Variants in CLEC20A observed in about 807,000 individuals in gnomAD.
CLEC20A encodes the protein putative C-type lectin domain family 20 member A.
chr1:178,479,959 A>G (rs867707017), intron 7 of CLEC20A: 1 of 161,014 alleles, frequency 6.2e-6, no homozygotes, highest in Non-Finnish European at 1.3e-5. Flanking sequence ...CCACCATTGA[A>G]CAATTAAATA....
chr1:178,487,396 C>T (rs1017401461), intron 5 of CLEC20A, among the ~76,000 whole-genome samples: 1 of 149,918 alleles, frequency 6.7e-6, no homozygotes, highest in African/African-American at 2.5e-5. Flanking sequence ...TCACAGGGGG[C>T]CCGGCCGGCA....
intron 5 of CLEC20A, among the ~76,000 whole-genome samples, chr1:178,485,103 C>T (rs960943386): frequency 6.6e-6 from 1 of 152,246 alleles, no homozygotes; most frequent in Non-Finnish European, 1.5e-5. Flanking sequence ...CACACATCTC[C>T]TTCCAGACTT....
intron 5 of CLEC20A, chr1:178,486,667 C>T (rs1390749753): frequency 2.5e-6 from 1 of 398,508 alleles, no homozygotes; most frequent in Non-Finnish European, 4.4e-6. Context: ...TGGGGCATCG[C>T]GGGTGGCATC....
intron 7 of CLEC20A, chr1:178,479,818 ATT>A: frequency 2.9e-6 from 1 of 344,886 alleles, no homozygotes; most frequent in Non-Finnish European, 5.2e-6. Flanking sequence ...AAAAAAAAAA[ATT>A]TAATGACAAA....
chr1:178,494,598 C>A, exon 2 of CLEC20A: 1 of 399,302 alleles, frequency 2.5e-6, no homozygotes. Flanking sequence ...AAGGTGGAGC[C>A]GCTGGACCAT....
intron 1 of CLEC20A, 92 bp from the exon 2 acceptor site, chr1:178,494,902 A>G: frequency 2.5e-6 from 1 of 398,450 alleles, no homozygotes; most frequent in Non-Finnish European, 4.4e-6. Flanking sequence ...GGGCCTCCCC[A>G]GCCTCTTCCC....
At chr1:178,484,714 A>G (rs114843924) in intron 5 of CLEC20A, 6,011 of 152,310 alleles carry the variant, frequency 0.039, 154 homozygotes, top group Non-Finnish European at 0.062. Context: ...AGCAAAAAAA[A>G]GTAAGCATCT....
chr1:178,499,056 A>G (rs762172927), upstream of CLEC20A, among the ~76,000 whole-genome samples: 16 of 151,958 alleles, frequency 1.1e-4, no homozygotes, highest in Non-Finnish European at 2.2e-4. Context: ...CCACCTTTTC[A>G]TTTGGCCACT....
chr1:178,488,514 G>T (rs1649202004), exon 5 of CLEC20A: 1 of 398,666 alleles, frequency 2.5e-6, no homozygotes, highest in South Asian at 1.3e-4. Flanking sequence ...TGCCTGGCCT[G>T]GGAGTTGTTT....
chr1:178,479,483 C>T, exon 8 of CLEC20A: 1 of 397,840 alleles, frequency 2.5e-6, no homozygotes, highest in South Asian at 1.3e-4. Context: ...AAAATTTACT[C>T]AAAATCCAGA....
chr1:178,479,554 A>C (rs986632235), exon 8 of CLEC20A: 6 of 398,436 alleles, frequency 1.5e-5, no homozygotes, highest in Middle Eastern at 6.2e-4. Flanking sequence ...GTTCACTTCG[A>C]AGCTGACCCA....
chr1:178,497,466 A>G (rs1649426393), upstream of CLEC20A, among the ~76,000 whole-genome samples: 1 of 152,194 alleles, frequency 6.6e-6, no homozygotes, highest in Non-Finnish European at 1.5e-5. Flanking sequence ...GCCCTGCTCC[A>G]CGCCCAGAAG....
chr1:178,489,327 C>T (rs112141117), intron 4 of CLEC20A, among the ~76,000 whole-genome samples: 2,724 of 151,998 alleles, frequency 0.018, 65 homozygotes, highest in African/African-American at 0.059. Context: ...CCACTGCACT[C>T]CAGCCTGGGC....
upstream of CLEC20A, among the ~76,000 whole-genome samples, chr1:178,497,803 G>A (rs79122251): frequency 2.5e-3 from 387 of 152,284 alleles, 1 homozygote; most frequent in Non-Finnish European, 4.3e-3. Context: ...ACATGGATCT[G>A]GTAATTAATA....
At chr1:178,494,276 A>C (rs1649335956) in intron 2 of CLEC20A, among the ~76,000 whole-genome samples, 178 bp downstream of exon 2, 1 of 152,140 alleles carries the variant, frequency 6.6e-6, no homozygotes, top group Admixed American at 6.5e-5. Context: ...TTAATTAGCC[A>C]GGTATGGTGG....
upstream of CLEC20A, among the ~76,000 whole-genome samples, chr1:178,499,074 T>G (rs60480018): frequency 0.17 from 26,454 of 151,958 alleles, 2,889 homozygotes; most frequent in African/African-American, 0.32. Context: ...ACTCCCCCAG[T>G]CGTCTCCCTC....
intron 5 of CLEC20A, among the ~76,000 whole-genome samples, chr1:178,487,828 C>T (rs1649186781): frequency 6.6e-6 from 1 of 152,162 alleles, no homozygotes; most frequent in African/African-American, 2.4e-5. Context: ...CAAAAAAAGA[C>T]AATAATCCCT....
intron 1 of CLEC20A, among the ~76,000 whole-genome samples, chr1:178,495,368 T>C: frequency 6.6e-6 from 1 of 152,196 alleles, no homozygotes; most frequent in East Asian, 1.9e-4. Context: ...TCCAGGCCCA[T>C]ATCCATGGCA....
exon 8 of CLEC20A, chr1:178,479,443 T>C: frequency 2.5e-6 from 1 of 394,808 alleles, no homozygotes. Context: ...GAGTTCTTCC[T>C]AATCTTGTTC....
Sources: gnomAD v4.1 joint callset for allele counts (sites outside exome capture counted in the v4.1 genomes callset) on GRCh38, gnomAD v4.1.1 for gene constraint, MANE v1.5 for transcripts, NCBI Gene and HGNC (gene_info 2026-07-23, HGNC 2026-07-21) for gene names.